The following CHL1 variants were observed in gnomAD, a reference collection of about 807,000 sequenced individuals.
CHL1 encodes cell adhesion molecule L1 like, also known as neural cell adhesion molecule L1-like protein.
In CHL1, 96 loss-of-function variants were observed where a neutral mutation model predicts 141.9. The observed-to-expected ratio is 0.68, with a 90% CI of 0.57 to 0.80. The LOEUF (loss-of-function observed/expected upper bound fraction) is 0.80. Ranked by LOEUF, CHL1 falls within the 30% of genes least tolerant of loss-of-function variation. CHL1 has a pLI of 0.00. For synonymous variants in CHL1, 613 were observed against 502.2 expected (o/e 1.22, Z -2.95); for missense variants, 1,820 against 1,457.2 (o/e 1.25, Z -4.05).
intron 2 of CHL1, among the ~76,000 whole-genome samples, chr3:286,610 C>CA (rs537257607): frequency 0.087 from 9,689 of 111,958 alleles, 418 homozygotes; most frequent in Middle Eastern, 0.2. Context: ...GACTTTGTCT[C>CA]AAAAAAAAAA....
intron 15 of CHL1, among the ~76,000 whole-genome samples, chr3:366,763 C>T (rs148364115): frequency 6.6e-6 from 1 of 151,842 alleles, no homozygotes; most frequent in African/African-American, 2.4e-5. Context: ...GATCACAAAG[C>T]ACTGCAGCTG....
intron 5 of CHL1, among the ~76,000 whole-genome samples, chr3:335,979 T>A (rs978616403): frequency 2.0e-5 from 3 of 152,238 alleles, no homozygotes; most frequent in African/African-American, 7.2e-5. Context: ...TTTAATCGAT[T>A]CATGTGAAAT....
At chr3:299,551 A>G (rs1367196274) in intron 2 of CHL1, among the ~76,000 whole-genome samples, 1 of 152,202 alleles carries the variant, frequency 6.6e-6, no homozygotes, top group Non-Finnish European at 1.5e-5. Context: ...CAGGTACAAT[A>G]TTAGGTACAC....
chr3:204,444 A>G (rs1699231948), intron 1 of CHL1, among the ~76,000 whole-genome samples: 1 of 152,234 alleles, frequency 6.6e-6, no homozygotes, highest in South Asian at 2.1e-4. Flanking sequence ...GGAATAGACC[A>G]GAATGCACTG....
chr3:260,701 T>A (rs1160567807), intron 2 of CHL1, among the ~76,000 whole-genome samples: 1 of 152,164 alleles, frequency 6.6e-6, no homozygotes, highest in African/African-American at 2.4e-5. Context: ...AAAATGCTAA[T>A]CTTTGAAGTT....
At chr3:276,503 A>G (rs1696111810) in intron 2 of CHL1, among the ~76,000 whole-genome samples, 1 of 152,208 alleles carries the variant, frequency 6.6e-6, no homozygotes. Flanking sequence ...AGAGGCAAGA[A>G]GAACTTCAGT....
Position 354,483 on chromosome 3 carries a change from C to T in CHL1, c.1034-157C>T, listed in dbSNP as rs1272500512. On this transcript the variant is annotated intron_variant, in intron 10 of 27. Coordinates refer to ENST00000256509, the MANE Select transcript of CHL1 (RefSeq NM_006614.4). ...CACCATACAACACAAAAGCAGCTCC[C>T]ACCTTGCTTTGCAGAGCAAGTTTAC... Among the ~76,000 whole-genome samples the T allele has an allele frequency of 2.6e-5, 4 of 152,070 alleles. No homozygotes were observed. The South Asian group carries it at 6.2e-4, about 24-fold the overall frequency.
Position 337,199 on chromosome 3 carries a change from T to G in CHL1, c.386-3595T>G, listed in dbSNP as rs1312479026. ...AACATTCTTTTGTTTTTGTTTTTTT[T>G]TTTTTTTTTGAGACGGGGTCTTGCT... is the stretch of plus-strand genomic sequence containing the variant. On this transcript the variant is annotated intron_variant, in intron 5 of 27. Transcript: ENST00000256509. 3.3e-3 allele frequency among the ~76,000 whole-genome samples: 485 copies of G among 146,678 alleles called. 5 individuals are homozygous for G. Among genetic ancestry groups the G allele is most frequent in the African/African-American group, 0.012 (464 of 40,030 alleles).
intron 24 of CHL1, among the ~76,000 whole-genome samples, chr3:395,361 T>G (rs1865166): frequency 0.93 from 141,236 of 152,250 alleles, 66,078 homozygotes; most frequent in East Asian, 1. Context: ...CAAGCAACTG[T>G]CTGGGAAATG....
intron 12 of CHL1, among the ~76,000 whole-genome samples, chr3:360,697 G>A (rs1448568929): frequency 4.8e-5 from 7 of 147,314 alleles, no homozygotes; most frequent in African/African-American, 1.0e-4. Flanking sequence ...CCACTAACTC[G>A]TCATCTAGCA....
rs757010002 is a variant in CHL1 at position 349,342 on chromosome 3, T to G, written c.849-17T>G. ...CGCTTTTAAAAAAATGTTTATTTAT[T>G]TAACTATTTTTTGCAGGCCAACTCC... On this transcript the variant is annotated splice_polypyrimidine_tract_variant and intron_variant, in intron 9 of 27. Coordinates refer to ENST00000256509, the MANE Select transcript of CHL1 (RefSeq NM_006614.4). The G allele has an allele frequency of 9.4e-6, 15 of 1,597,304 alleles. No homozygotes were observed. The highest frequency in any genetic ancestry group is 8.5e-6 in the Non-Finnish European group (10 of 1,171,816).
At chr3:367,962 G>T (rs1454227169) in intron 15 of CHL1, among the ~76,000 whole-genome samples, 1 of 152,144 alleles carries the variant, frequency 6.6e-6, no homozygotes, top group African/African-American at 2.4e-5. Context: ...ATTCCATGGT[G>T]TATCTGTACC....
At chr3:299,732 G>T (rs1162638124) in intron 2 of CHL1, among the ~76,000 whole-genome samples, 1 of 152,100 alleles carries the variant, frequency 6.6e-6, no homozygotes, top group East Asian at 1.9e-4. Context: ...TTCGAAGCTT[G>T]CACATTGTTC....
At chr3:214,439 C>T (rs1031646891) in intron 1 of CHL1, among the ~76,000 whole-genome samples, 2 of 152,180 alleles carry the variant, frequency 1.3e-5, no homozygotes, top group African/African-American at 4.8e-5. Flanking sequence ...AACCTTCCTA[C>T]ATTTTTCAAG....
chr3:402,751 T>C (rs1709242663), intron 27 of CHL1, among the ~76,000 whole-genome samples: 1 of 152,204 alleles, frequency 6.6e-6, no homozygotes, highest in Non-Finnish European at 1.5e-5. Context: ...TTTATATTTC[T>C]TAATAAATGA....
intron 2 of CHL1, among the ~76,000 whole-genome samples, chr3:277,356 C>A (rs1053453777): frequency 6.6e-5 from 10 of 152,084 alleles, no homozygotes; most frequent in Non-Finnish European, 1.5e-4. Flanking sequence ...AATAAAGAGC[C>A]AGGAATGAGT....
chr3:382,643 G>A lies in CHL1; in HGVS notation c.2148G>A (p.Pro716=), dbSNP rs751641022. 68 of 1,613,552 alleles carry A rather than the reference G, an allele frequency of 4.2e-5. No individual in the cohort carries two copies. Among genetic ancestry groups the A allele is most frequent in the South Asian group, 3.2e-4 (29 of 91,078 alleles). The change falls in exon 18 of 28, where the codon CCG becomes CCA. Residue 716 remains proline (P), a synonymous_variant. Coordinates refer to ENST00000256509, the MANE Select transcript of CHL1 (RefSeq NM_006614.4). The part of the protein sequence containing the change: ...NEVGRSQPSQ[P]SDHHETPPAA... ...TAGGGAGAAGTCAGCCTAGCCAGCC[G>A]TCAGACCATCATGAAACACCACCAG...
chr3:265,686 T>G (rs1338503707), intron 2 of CHL1, among the ~76,000 whole-genome samples: 2 of 152,074 alleles, frequency 1.3e-5, no homozygotes, highest in African/African-American at 4.8e-5. Flanking sequence ...GTGGGAGATG[T>G]GGGGAATGGG....
chr3:292,413 A>G (rs1697772617), intron 2 of CHL1, among the ~76,000 whole-genome samples: 1 of 152,192 alleles, frequency 6.6e-6, no homozygotes, highest in Non-Finnish European at 1.5e-5. Flanking sequence ...ATCAGGTTTT[A>G]TAGTCATTCA....
Sources: allele counts gnomAD v4.1 joint callset (sites outside exome capture counted in the v4.1 genomes callset), GRCh38; gene constraint gnomAD v4.1.1; transcripts MANE v1.5; gene names NCBI Gene and HGNC (gene_info 2026-07-23, HGNC 2026-07-21).